Variants in MIR2052HG observed in about 807,000 individuals in gnomAD.
MIR2052HG encodes the protein MIR2052 host gene.
intron 2 of MIR2052HG, among the ~76,000 whole-genome samples, chr8:74,658,979 C>T (rs2128736797): frequency 6.6e-6 from 1 of 152,292 alleles, no homozygotes; most frequent in African/African-American, 2.4e-5. Flanking sequence ...CATACTTACC[C>T]AAATGAGCTT....
Position 74,716,594 on chromosome 8 carries a change from C to T in MIR2052HG, n.371+12912C>T, listed in dbSNP as rs375925461. On this transcript the variant is annotated intron_variant and non_coding_transcript_variant, in intron 4 of 6. Transcript: ENST00000523442. ...GTGTGGTGGTGCGCACCTGTAATCC[C>T]AGCTACTCAGGAGGCTGAGGCAGGA... Among the ~76,000 whole-genome samples, 7 of 152,152 alleles carry T rather than the reference C, an allele frequency of 4.6e-5. No homozygotes were observed. The East Asian group carries it at 1.4e-3, about 29-fold the overall frequency.
At chr8:74,649,719 C>T (rs867883302) in intron 2 of MIR2052HG, among the ~76,000 whole-genome samples, 2 of 152,068 alleles carry the variant, frequency 1.3e-5, no homozygotes, top group Admixed American at 6.6e-5. Flanking sequence ...GTGAATTACT[C>T]ACTATATGTT....
intron 2 of MIR2052HG, among the ~76,000 whole-genome samples, chr8:74,666,303 A>C (rs1045218881): frequency 6.6e-6 from 1 of 152,138 alleles, no homozygotes; most frequent in Non-Finnish European, 1.5e-5. Context: ...AAAACCTGCC[A>C]ATGTCTTTTT....
At chr8:74,648,272 G>T (rs1008558433) in intron 2 of MIR2052HG, among the ~76,000 whole-genome samples, 4 of 152,068 alleles carry the variant, frequency 2.6e-5, no homozygotes, top group Non-Finnish European at 4.4e-5. Context: ...TGTCTTCTGT[G>T]GTTGAGATAA....
intron 1 of MIR2052HG, chr8:74,604,127 G>C (rs561506120): frequency 5.6e-6 from 5 of 893,880 alleles, no homozygotes; most frequent in Middle Eastern, 2.1e-4. Context: ...CTCTCCTCGC[G>C]CATCTTCTTA....
At chr8:74,612,483 T>C (rs1230807141) in intron 1 of MIR2052HG, 2 of 171,456 alleles carry the variant, frequency 1.2e-5, no homozygotes, top group African/African-American at 4.8e-5. Flanking sequence ...ATAACTGTAG[T>C]TGAGCAGCTA....
intron 2 of MIR2052HG, among the ~76,000 whole-genome samples, chr8:74,674,322 T>G (rs1809027844): frequency 6.6e-6 from 1 of 151,664 alleles, no homozygotes; most frequent in Non-Finnish European, 1.5e-5. Context: ...CAAGCTAGAG[T>G]GATGGCTTCT....
At position 74,731,308 on chromosome 8, in the gene MIR2052HG, G is replaced by A. The variant is rs539514562; in HGVS notation, n.372-21133G>A. Reference sequence around the variant, plus strand: ...AAGGCCAACCAGATACTCTGTGGAAGTCAAATACATTGGGCCTCTTCTGTC... The same window carrying A: ...AAGGCCAACCAGATACTCTGTGGAAATCAAATACATTGGGCCTCTTCTGTC... On this transcript the variant is annotated intron_variant and non_coding_transcript_variant, in intron 4 of 6. Coordinates refer to ENST00000523442, the Ensembl canonical transcript of MIR2052HG. 4.6e-5 allele frequency among the ~76,000 whole-genome samples: 7 copies of A among 152,328 alleles called. No homozygotes were observed. The South Asian group carries it at 1.4e-3, about 32-fold the overall frequency.
At chr8:74,675,592 A>G (rs986795053) in intron 2 of MIR2052HG, among the ~76,000 whole-genome samples, 2 of 151,996 alleles carry the variant, frequency 1.3e-5, no homozygotes, top group African/African-American at 2.4e-5. Flanking sequence ...GAAGTTGAAA[A>G]ATCAGTTAAA....
chr8:74,602,865 C>CTTTCTTTCTTTCTTTCTTT (rs879678607), intron 1 of MIR2052HG, among the ~76,000 whole-genome samples: 1 of 142,660 alleles, frequency 7.0e-6, no homozygotes, highest in Non-Finnish European at 1.5e-5. Context: ...TTCTTTCTTT[C>CTTTCTTTCTTTCTTTCTTT]TTTCTTTCTT....
chr8:74,717,185 C>G (rs2128742186), intron 4 of MIR2052HG, among the ~76,000 whole-genome samples: 1 of 152,034 alleles, frequency 6.6e-6, no homozygotes, highest in Middle Eastern at 3.4e-3. Context: ...AAGACCCTTC[C>G]TTGTTGTTCC....
intron 1 of MIR2052HG, among the ~76,000 whole-genome samples, chr8:74,611,703 A>G (rs1667389947): frequency 6.6e-6 from 1 of 152,188 alleles, no homozygotes; most frequent in Non-Finnish European, 1.5e-5. Context: ...TCATGATTAT[A>G]AATCTCTTAA....
chr8:74,737,098 T>A (rs140567085), intron 4 of MIR2052HG, among the ~76,000 whole-genome samples: 1 of 152,334 alleles, frequency 6.6e-6, no homozygotes, highest in East Asian at 1.9e-4. Context: ...CAAATCGGAC[T>A]AATTGCGGGT....
chr8:74,602,876 T>TCTTTCTTTCTTTC lies in MIR2052HG; in HGVS notation n.128+2968_128+2969insCTTTCTTTCTTTC, dbSNP rs1554570015. Among the ~76,000 whole-genome samples the TCTTTCTTTCTTTC allele has an allele frequency of 1.3e-3, 181 of 136,956 alleles. 1 individual carries two copies. The highest frequency in any genetic ancestry group is 2.4e-3 in the African/African-American group (87 of 36,694). 89.8% of individuals were successfully genotyped at this position (136,956 alleles called of 152,430 possible). On this transcript the variant is annotated intron_variant and non_coding_transcript_variant, in intron 1 of 6. Coordinates refer to ENST00000523442, the Ensembl canonical transcript of MIR2052HG. ...TTCTTTCTTTCTTTCTTTCTTTCTT[T>TCTTTCTTTCTTTC]TTTCTATTCACAAAGAAAAAGCTCC...
rs1241948711 is a variant in MIR2052HG at position 74,705,824 on chromosome 8, A to G, written n.371+2142A>G. Reference sequence around the variant, plus strand: ...AGTGTAACTGACTCCAAATAAAAATATATTTACGATAAAACTAGGCCCATG... The same window carrying G: ...AGTGTAACTGACTCCAAATAAAAATGTATTTACGATAAAACTAGGCCCATG... On this transcript the variant is annotated intron_variant and non_coding_transcript_variant, in intron 4 of 6. Coordinates refer to ENST00000523442, the Ensembl canonical transcript of MIR2052HG. The G allele has an allele frequency of 1.8e-5, 3 of 169,128 alleles. No individual in the cohort carries two copies. In the Admixed American group the frequency reaches 2.0e-4, roughly 11 times the overall value. The allele number at this position is 169,128 out of a possible 1,614,324, so 10.5% of individuals were successfully genotyped here.
intron 4 of MIR2052HG, among the ~76,000 whole-genome samples, chr8:74,741,877 C>T (rs1809835162): frequency 6.6e-6 from 1 of 152,154 alleles, no homozygotes; most frequent in African/African-American, 2.4e-5. Flanking sequence ...ACAAAAAGGA[C>T]ATTTGTTCAC....
rs146179236 is a variant in MIR2052HG at position 74,710,160 on chromosome 8, C to T, written n.371+6478C>T. ...TCTTCCTGGAATAAGCAGATTTGAACTTTAGAAAATCCTCTGGTTCCTTTG... is the reference window on the plus strand; with the variant it reads ...TCTTCCTGGAATAAGCAGATTTGAATTTTAGAAAATCCTCTGGTTCCTTTG... On this transcript the variant is annotated intron_variant and non_coding_transcript_variant, in intron 4 of 6. Coordinates refer to ENST00000523442, the Ensembl canonical transcript of MIR2052HG. Among the ~76,000 whole-genome samples the T allele has an allele frequency of 2.4e-4, 37 of 152,164 alleles. No homozygotes were observed. In the East Asian group the frequency reaches 7.0e-3, roughly 29 times the overall value.
At chr8:74,721,812 G>A (rs1247214559) in intron 4 of MIR2052HG, among the ~76,000 whole-genome samples, 1 of 152,184 alleles carries the variant, frequency 6.6e-6, no homozygotes, top group Non-Finnish European at 1.5e-5. Context: ...TGGGAATAGT[G>A]ACACAGACAA....
chr8:74,663,102 C>T (rs1442684856), intron 2 of MIR2052HG, among the ~76,000 whole-genome samples: 2 of 151,722 alleles, frequency 1.3e-5, no homozygotes, highest in South Asian at 2.1e-4. Flanking sequence ...CATAAAATCC[C>T]GAAGTCCATT....
Sources: gnomAD v4.1 joint callset for allele counts (sites outside exome capture counted in the v4.1 genomes callset) on GRCh38, gnomAD v4.1.1 for gene constraint, MANE v1.5 for transcripts, NCBI Gene and HGNC (gene_info 2026-07-23, HGNC 2026-07-21) for gene names.